APPL1: variants seen among roughly 807,000 people sequenced by gnomAD.
APPL1 encodes adaptor protein, phosphotyrosine interacting with PH domain and leucine zipper 1, also known as DCC-interacting protein 13-alpha.
Under a neutral mutation model 106.8 loss-of-function variants are expected in APPL1, and 42 were observed. That is an observed-to-expected ratio of 0.39 (90% confidence interval 0.31 to 0.51). The LOEUF is 0.51. APPL1 is among the 20% of genes least tolerant of loss of function. The pLI is 0.75. For synonymous variants in APPL1, 263 were observed against 281.8 expected (o/e 0.93, Z 0.67); for missense variants, 769 against 858.2 (o/e 0.90, Z 1.30).
intron 19 of APPL1, among the ~76,000 whole-genome samples, chr3:57,262,590 T>A (rs143116788): frequency 0.024 from 3,625 of 151,488 alleles, 69 homozygotes; most frequent in South Asian, 0.035. Context: ...TTCACCATGT[T>A]GGCCAGGCTG....
At chr3:57,246,265 T>A in intron 8 of APPL1, 43 bp downstream of exon 8, 2 of 1,400,202 alleles carry the variant, frequency 1.4e-6, no homozygotes, top group Non-Finnish European at 9.4e-7. Context: ...TCCTAAAAGT[T>A]TTATATTAAG....
chr3:57,267,945 A>T, intron 20 of APPL1, 153 bp downstream of exon 20: 2 of 766,242 alleles, frequency 2.6e-6, no homozygotes, highest in East Asian at 5.4e-5. Flanking sequence ...TACAAAAATT[A>T]GTTGGGTGTG....
chr3:57,249,338 T>C (rs376651065), intron 10 of APPL1, 22 bp from the exon 11 acceptor site: 32 of 1,613,102 alleles, frequency 2.0e-5, no homozygotes, highest in Non-Finnish European at 2.5e-5. Context: ...TATTAAAGAG[T>C]GAATGTGCTT....
intron 10 of APPL1, 67 bp from the exon 11 acceptor site, chr3:57,249,293 G>C: frequency 6.5e-7 from 1 of 1,545,312 alleles, no homozygotes; most frequent in Non-Finnish European, 8.9e-7. Context: ...GCTTTATCTT[G>C]TGTCTAGCTG....
At position 57,260,170 on chromosome 3, in the gene APPL1, T is replaced by G. The variant is rs1335037535; in HGVS notation, c.1695+17T>G. 2 of 1,598,824 alleles carry G rather than the reference T, an allele frequency of 1.3e-6. No individual in the cohort carries two copies. Among genetic ancestry groups the G allele is most frequent in the Middle Eastern group, 3.4e-4 (2 of 5,938 alleles). On this transcript the variant is annotated intron_variant, in intron 18 of 21. Transcript: ENST00000288266. ...AGGCTCACGGTGAGTTCCACATGAT[T>G]TAAGCTTTGTTTTAGGTCCCTTTGT...
At chr3:57,247,971 G>A (rs189530123) in intron 9 of APPL1, among the ~76,000 whole-genome samples, 157 of 152,198 alleles carry the variant, frequency 1.0e-3, no homozygotes, top group Non-Finnish European at 1.9e-3. Flanking sequence ...TCAGGCATTC[G>A]GGGGGCTTCA....
chr3:57,260,891 T>C, intron 19 of APPL1, 117 bp downstream of exon 19: 2 of 1,152,448 alleles, frequency 1.7e-6, no homozygotes, highest in Non-Finnish European at 1.2e-6. Flanking sequence ...GATTGAATTC[T>C]TTACAATTTA....
In APPL1 at chr3:57,246,084, T is replaced by C; in HGVS notation, c.483T>C (p.Tyr161=). Residue 161 remains tyrosine (Y), a synonymous_variant, in exon 8 of 22, where the codon TAT becomes TAC. Coordinates refer to ENST00000288266, the MANE Select transcript of APPL1 (RefSeq NM_012096.3). ...SKKRENDKVK[Y]EVTEDVYTSR... is the part of the protein sequence containing the mutation. Reference sequence around the variant, plus strand: ...AATCTTTTCATTCAAAGGTGAAGTATGAAGTAACAGAAGATGTGTACACAT... The same window carrying C: ...AATCTTTTCATTCAAAGGTGAAGTACGAAGTAACAGAAGATGTGTACACAT... The C allele has an allele frequency of 6.3e-7, 1 of 1,580,288 alleles. No homozygotes were observed. Among genetic ancestry groups the C allele is most frequent in the Non-Finnish European group, 8.6e-7 (1 of 1,168,188 alleles).
intron 12 of APPL1, among the ~76,000 whole-genome samples, chr3:57,253,153 T>A (rs965795380): frequency 6.6e-6 from 1 of 152,170 alleles, no homozygotes; most frequent in Admixed American, 6.5e-5. Flanking sequence ...GAGCAGAGAT[T>A]GTTTTCTATG....
chr3:57,260,873 T>A, intron 19 of APPL1, 99 bp downstream of exon 19: 1 of 1,212,396 alleles, frequency 8.2e-7, no homozygotes, highest in African/African-American at 1.5e-5. Flanking sequence ...AATTAGTTAG[T>A]AATTACTGAT....
intron 13 of APPL1, among the ~76,000 whole-genome samples, chr3:57,256,197 C>T (rs975246559): frequency 7.2e-5 from 11 of 151,982 alleles, no homozygotes; most frequent in African/African-American, 2.7e-4. Flanking sequence ...CAATAGAGAA[C>T]GTATCTCCCA....
chr3:57,234,755 A>G (rs2060707602), intron 1 of APPL1, among the ~76,000 whole-genome samples: 1 of 151,782 alleles, frequency 6.6e-6, no homozygotes, highest in Non-Finnish European at 1.5e-5. Flanking sequence ...TCCCAAGTTC[A>G]AGCTATTCTC....
chr3:57,258,981 C>G, intron 15 of APPL1, 47 bp from the exon 16 acceptor site: 6 of 1,399,964 alleles, frequency 4.3e-6, no homozygotes, highest in Non-Finnish European at 6.0e-6. Flanking sequence ...TTCTATGTGG[C>G]TCATGGTAAC....
At chr3:57,260,919 C>T in intron 19 of APPL1, 145 bp downstream of exon 19, 1 of 1,011,120 alleles carries the variant, frequency 9.9e-7, no homozygotes, top group Non-Finnish European at 1.4e-6. Context: ...TTATGAGGCA[C>T]ATGTGAATTT....
In APPL1 at chr3:57,247,491, T is replaced by C. The variant is rs2060780470; in HGVS notation, c.704+14T>C. On this transcript the variant is annotated intron_variant, in intron 9 of 21. Coordinates refer to ENST00000288266, the MANE Select transcript of APPL1 (RefSeq NM_012096.3). ...AAGCGTTCAGAAGTAAGTATTTTTT[T>C]CCTTAAAATTGAAAATGAAATGATG... The C allele has an allele frequency of 6.6e-7, 1 of 1,512,674 alleles. No homozygotes were observed. 93.7% of individuals were successfully genotyped at this position (1,512,674 alleles called of 1,614,324 possible). A position where few individuals can be genotyped will look rare whatever the true frequency, so the allele number is the denominator to read the frequency against.
chr3:57,269,520 C>CT lies in APPL1; in HGVS notation c.1984-15dup, dbSNP rs146184583. 33,185 of 1,609,890 alleles carry CT rather than the reference C, an allele frequency of 0.021. 433 individuals are homozygous for CT. Among genetic ancestry groups the CT allele is most frequent in the Non-Finnish European group, 0.026 (30,805 of 1,178,194 alleles). On this transcript the variant is annotated intron_variant, in intron 21 of 21. Transcript: ENST00000288266. Reference sequence around the variant, plus strand: ...TGACTGCAGACAAGTAACTTAGTTTCTTTTTTGTCTTTTCCACTAGGACTT... The same window carrying CT: ...TGACTGCAGACAAGTAACTTAGTTTCTTTTTTTGTCTTTTCCACTAGGACTT...
intron 2 of APPL1, among the ~76,000 whole-genome samples, chr3:57,237,155 C>A (rs1429594554): frequency 1.3e-5 from 2 of 152,136 alleles, no homozygotes; most frequent in African/African-American, 4.8e-5. Flanking sequence ...TCAGCATCTA[C>A]AGAGGGCAAT....
In APPL1 at chr3:57,262,688, A is replaced by G. The variant is rs2060873017; in HGVS notation, c.1842+1914A>G. ...GGCATGAGCTGCCACACCCAGCTGG[A>G]AAAAGAACCTTTAATAGAACAATTA... On this transcript the variant is annotated intron_variant, in intron 19 of 21. Coordinates refer to ENST00000288266, the MANE Select transcript of APPL1 (RefSeq NM_012096.3). Among the ~76,000 whole-genome samples the G allele has an allele frequency of 2.0e-5, 3 of 151,480 alleles. No individual in the cohort carries two copies. The South Asian group carries it at 6.3e-4, about 32-fold the overall frequency.
intron 1 of APPL1, among the ~76,000 whole-genome samples, chr3:57,232,338 A>G (rs779179767): frequency 1.3e-5 from 2 of 152,206 alleles, no homozygotes; most frequent in East Asian, 3.9e-4. Context: ...CTTAGAGTTG[A>G]TGGTATATTA....
Sources: gnomAD v4.1 joint callset for allele counts (sites outside exome capture counted in the v4.1 genomes callset) on GRCh38, gnomAD v4.1.1 for gene constraint, MANE v1.5 for transcripts, NCBI Gene and HGNC (gene_info 2026-07-23, HGNC 2026-07-21) for gene names.